CHN2: variants seen among roughly 807,000 people sequenced by gnomAD.
CHN2 encodes the protein chimerin 2.
Under a neutral mutation model 56.3 loss-of-function variants are expected in CHN2, and 35 were observed. That is an observed-to-expected ratio of 0.62 (90% confidence interval 0.47 to 0.82). The LOEUF (loss-of-function observed/expected upper bound fraction) is 0.82. Among genes scored for constraint, CHN2 ranks in the 40% least tolerant of loss-of-function variants. CHN2 has a pLI of 0.00. For missense variants in CHN2, 491 were observed against 580.5 expected, an observed-to-expected ratio of 0.85 and a Z score of 1.58; for synonymous variants, 210 against 212.8, an observed-to-expected ratio of 0.99 and a Z score of 0.12.
intron 6 of CHN2, among the ~76,000 whole-genome samples, chr7:29,411,776 T>C (rs192184301): frequency 9.1e-4 from 138 of 152,300 alleles, no homozygotes; most frequent in African/African-American, 3.2e-3. Flanking sequence ...AGCCTGGAGA[T>C]GGGGAGAGAG....
At chr7:29,421,693 A>G (rs368847373) in intron 6 of CHN2, among the ~76,000 whole-genome samples, 2 of 152,252 alleles carry the variant, frequency 1.3e-5, no homozygotes, top group African/African-American at 2.4e-5. Flanking sequence ...AGAAGGGCTC[A>G]TAAACGTCTG....
At chr7:29,398,996 A>C (rs913647748) in intron 5 of CHN2, among the ~76,000 whole-genome samples, 1 of 152,072 alleles carries the variant, frequency 6.6e-6, no homozygotes, top group Admixed American at 6.5e-5. Context: ...CTTTCTCATC[A>C]TCCCACACAG....
Position 29,512,844 on chromosome 7 carries a change from T to G in CHN2, c.*109T>G. 1 of 1,277,758 alleles carries G rather than the reference T, an allele frequency of 7.8e-7. No homozygotes were observed. Among genetic ancestry groups the G allele is most frequent in the Non-Finnish European group, 1.1e-6 (1 of 930,472 alleles). The allele number at this position is 1,277,758 out of a possible 1,614,324, so 79.2% of individuals were successfully genotyped here. ...TTTGTTTTCCAAGCAAGTGCTAGAA[T>G]TTCCTGGACTGCAGAGGATCGCTGA... On this transcript the variant is annotated 3_prime_UTR_variant, in exon 13 of 13. Transcript: ENST00000222792.
chr7:29,297,109 T>C lies in CHN2; in HGVS notation c.50-57516T>C, dbSNP rs1298631429. 2.6e-5 allele frequency among the ~76,000 whole-genome samples: 4 copies of C among 151,990 alleles called. No homozygotes were observed. The South Asian group carries it at 8.3e-4, about 32-fold the overall frequency. On this transcript the variant is annotated intron_variant, in intron 1 of 12. Coordinates refer to ENST00000222792, the MANE Select transcript of CHN2 (RefSeq NM_004067.4). ...ACTTTGAAGAGTGAGAAAAATGGAA[T>C]TTATTGGGTGAAAAGGAAAAAAAGG... is the stretch of plus-strand genomic sequence containing the variant.
intron 1 of CHN2, among the ~76,000 whole-genome samples, chr7:29,350,139 G>A (rs1460991548): frequency 6.6e-6 from 1 of 152,150 alleles, no homozygotes; most frequent in African/African-American, 2.4e-5. Flanking sequence ...TGCCTGGCAA[G>A]GATGAATGAT....
intron 4 of CHN2, among the ~76,000 whole-genome samples, chr7:29,396,427 C>T (rs1801747411): frequency 1.5e-5 from 2 of 131,744 alleles, no homozygotes; most frequent in Admixed American, 8.7e-5. Flanking sequence ...CGCCATTGCA[C>T]TCCAGCTTAG....
At chr7:29,485,042 T>C (rs1787803711) in intron 7 of CHN2, among the ~76,000 whole-genome samples, 1 of 152,128 alleles carries the variant, frequency 6.6e-6, no homozygotes, top group Admixed American at 6.5e-5. Context: ...ACTTAGTTAT[T>C]CTTTGTCTCT....
At chr7:29,354,756 C>G in intron 2 of CHN2, 93 bp downstream of exon 2, 1 of 1,129,702 alleles carries the variant, frequency 8.9e-7, no homozygotes, top group Non-Finnish European at 1.3e-6. Flanking sequence ...CACAAGCGTT[C>G]CCACCTCACA....
chr7:29,505,087 A>G (rs563255249), intron 10 of CHN2, among the ~76,000 whole-genome samples: 185 of 152,266 alleles, frequency 1.2e-3, no homozygotes, highest in African/African-American at 4.2e-3. Flanking sequence ...TCAGAATCCC[A>G]TTCTTCTCAT....
At position 29,337,496 on chromosome 7, in the gene CHN2, T is replaced by A. The variant is rs368172633; in HGVS notation, c.50-17129T>A. Among the ~76,000 whole-genome samples the A allele has an allele frequency of 1.1e-4, 17 of 152,146 alleles. 1 individual carries two copies. The East Asian group carries it at 2.5e-3, about 23-fold the overall frequency. ...AGCAGAGTGCGGAGAGGGGGTCTAT[T>A]CTTCTCACTCTGTTATGTAATGTGA... On this transcript the variant is annotated intron_variant, in intron 1 of 12. Transcript: ENST00000222792.
chr7:29,383,455 ATAG>A (rs1221563465), intron 3 of CHN2, among the ~76,000 whole-genome samples: 1 of 152,144 alleles, frequency 6.6e-6, no homozygotes, highest in African/African-American at 2.4e-5. Context: ...AATGGACAGG[ATAG>A]TACTGACACA....
In CHN2 at chr7:29,512,686, A is replaced by G; in HGVS notation, c.1358A>G (p.Gln453Arg). The stretch of plus-strand genomic sequence containing the variant: ...ACCACCCTGCATGATATGCGGTACC[A>G]AAAGCTGATTGTGCAGATTTTAATA... ...TLTTLHDMRY[Q>R]KLIVQILIEN... The change falls in exon 13 of 13, where the codon CAA becomes CGA. Residue 453 changes from glutamine (Q) to arginine (R), a missense_variant. By Grantham distance (43) the Gln-to-Arg change is conservative. Transcript: ENST00000222792. 6.2e-7 allele frequency: 1 copy of G among 1,614,200 alleles called. No homozygotes were observed. Among genetic ancestry groups the G allele is most frequent in the African/African-American group, 1.3e-5 (1 of 75,066 alleles).
upstream of CHN2, among the ~76,000 whole-genome samples, chr7:29,189,866 T>C (rs923583348): frequency 6.6e-6 from 1 of 152,158 alleles, no homozygotes; most frequent in Non-Finnish European, 1.5e-5. Context: ...GATGCAGGAA[T>C]ACCTGTGCCT....
intron 1 of CHN2, among the ~76,000 whole-genome samples, chr7:29,207,493 G>A (rs1276976235): frequency 1.3e-5 from 2 of 152,170 alleles, no homozygotes; most frequent in East Asian, 3.9e-4. Flanking sequence ...GAAGAATGAG[G>A]GAGAGCAGTA....
intron 2 of CHN2, among the ~76,000 whole-genome samples, chr7:29,363,686 A>G (rs544125298): frequency 1.3e-5 from 2 of 152,292 alleles, no homozygotes; most frequent in Non-Finnish European, 2.9e-5. Flanking sequence ...CTGTGAAGAA[A>G]CTTAAAACTA....
intron 6 of CHN2, among the ~76,000 whole-genome samples, chr7:29,415,388 G>C (rs962700396): frequency 1.3e-5 from 2 of 152,228 alleles, no homozygotes; most frequent in African/African-American, 2.4e-5. Context: ...CAAGTGGGGA[G>C]TTCCCACCTT....
intron 7 of CHN2, among the ~76,000 whole-genome samples, chr7:29,481,250 A>T (rs1361249747): frequency 3.3e-5 from 5 of 152,216 alleles, no homozygotes; most frequent in Admixed American, 2.0e-4. Context: ...GAAGAAAACA[A>T]TAGGCAGGAG....
At chr7:29,453,900 T>G (rs1784570454) in intron 6 of CHN2, among the ~76,000 whole-genome samples, 1 of 152,226 alleles carries the variant, frequency 6.6e-6, no homozygotes, top group African/African-American at 2.4e-5. Flanking sequence ...GGAAACCTTG[T>G]GCATCCTAAA....
At chr7:29,264,495 T>C (rs765359676) in intron 1 of CHN2, among the ~76,000 whole-genome samples, 2 of 152,238 alleles carry the variant, frequency 1.3e-5, no homozygotes, top group Non-Finnish European at 2.9e-5. Flanking sequence ...TGGGATGCTA[T>C]TAATCTATGA....
Sources: gnomAD v4.1 joint callset for allele counts (sites outside exome capture counted in the v4.1 genomes callset) on GRCh38, gnomAD v4.1.1 for gene constraint, MANE v1.5 for transcripts, NCBI Gene and HGNC (gene_info 2026-07-23, HGNC 2026-07-21) for gene names.